RUVBL1: variants seen among roughly 807,000 people sequenced by gnomAD.
The protein encoded by RUVBL1 is ruvB-like 1.
A neutral mutation model predicts 52.4 loss-of-function variants in RUVBL1; 4 were observed. That is an observed-to-expected ratio of 0.08 (90% CI 0.04 to 0.17). The LOEUF is 0.17. RUVBL1 is among the 10% of genes least tolerant of loss of function. The pLI, the probability that RUVBL1 is intolerant of heterozygous loss-of-function variation, is 1.00. For synonymous variants in RUVBL1, 217 were observed against 214.4 expected (o/e 1.01, Z -0.10); for missense variants, 298 against 572.8 (o/e 0.52, Z 4.90).
intron 1 of RUVBL1, among the ~76,000 whole-genome samples, chr3:128,129,081 C>G (rs991374199): frequency 2.6e-5 from 4 of 152,158 alleles, no homozygotes; most frequent in African/African-American, 9.7e-5. Context: ...CCAAGTGCCC[C>G]CCTTTCCCTT....
chr3:128,118,025 G>A (rs1238319983), intron 2 of RUVBL1, among the ~76,000 whole-genome samples: 1 of 151,894 alleles, frequency 6.6e-6, no homozygotes, highest in Non-Finnish European at 1.5e-5. Context: ...TCAAAACAAG[G>A]GCAACATAAT....
Position 128,082,811 on chromosome 3 carries a change from A to G in RUVBL1, c.1120-237T>C. The G allele has an allele frequency of 7.4e-6, 3 of 403,032 alleles. No homozygotes were observed. The South Asian group carries it at 7.6e-5, about 10-fold the overall frequency. The allele number at this position is 403,032 out of a possible 1,614,324, so 25.0% of individuals were successfully genotyped here. On this transcript the variant is annotated intron_variant, in intron 9 of 10. Coordinates refer to ENST00000322623, the MANE Select transcript of RUVBL1 (RefSeq NM_003707.3). The surrounding 1 kb of genome is among the most constrained non-coding windows in gnomAD (Gnocchi z 4.7). Reference sequence around the variant, plus strand: ...CATCACGGCCAGTGTGCTGTATTCAACTGACTCAAGTGTGGCTGGTGCCCA... The same window carrying G: ...CATCACGGCCAGTGTGCTGTATTCAGCTGACTCAAGTGTGGCTGGTGCCCA...
At chr3:128,153,264 T>G in exon 1 of RUVBL1, 2 of 1,350,844 alleles carry the variant, frequency 1.5e-6, no homozygotes, top group Non-Finnish European at 1.9e-6. Context: ...TCCTAGAGGC[T>G]TCAGGCAGGA....
At chr3:128,103,003 G>A (rs940032678) in intron 4 of RUVBL1, among the ~76,000 whole-genome samples, 3 of 152,162 alleles carry the variant, frequency 2.0e-5, no homozygotes, top group Admixed American at 1.3e-4. Flanking sequence ...GGGGTCATGA[G>A]TACTAATGGC....
intron 9 of RUVBL1, chr3:128,071,041 G>C (rs754664012): frequency 6.6e-6 from 1 of 152,296 alleles, no homozygotes; most frequent in African/African-American, 2.4e-5. Context: ...GCAGCCTGTC[G>C]GGGAGACCCC....
intron 8 of RUVBL1, among the ~76,000 whole-genome samples, chr3:128,088,324 C>T (rs1032438033): frequency 2.7e-5 from 4 of 147,964 alleles, no homozygotes; most frequent in African/African-American, 5.0e-5. Context: ...CATAGCAAAA[C>T]TGGGAAGGAG....
At chr3:128,065,464 CTT>C (rs1341430616) in intron 9 of RUVBL1, among the ~76,000 whole-genome samples, 1 of 152,164 alleles carries the variant, frequency 6.6e-6, no homozygotes, top group African/African-American at 2.4e-5. Context: ...TATTCCATCT[CTT>C]AAACTTGCTT....
intron 9 of RUVBL1, chr3:128,069,733 GTGC>G (rs1942099700): frequency 1.6e-6 from 2 of 1,287,098 alleles, no homozygotes; most frequent in Non-Finnish European, 2.2e-6. Flanking sequence ...ATCATGGCGC[GTGC>G]TGCTGCGGCA....
At position 128,081,177 on chromosome 3, in the gene RUVBL1, G is replaced by C; in HGVS notation, c.*73C>G. On this transcript the variant is annotated 3_prime_UTR_variant, in exon 11 of 11. Coordinates refer to ENST00000322623, the MANE Select transcript of RUVBL1 (RefSeq NM_003707.3). This position sits in a 1 kb window ranked among gnomAD's most constrained non-coding sequence, Gnocchi z 4.8. ...TGGGGACGGCAGCCCCAAGCCCAGG[G>C]GCAAGCGCCCACAGGCTGGACCCAG... is the stretch of plus-strand genomic sequence containing the variant. 6.5e-7 allele frequency: 1 copy of C among 1,529,418 alleles called. No individual in the cohort carries two copies. The highest frequency in any genetic ancestry group is 8.9e-7 in the Non-Finnish European group (1 of 1,121,226). 94.7% of individuals were successfully genotyped at this position (1,529,418 alleles called of 1,614,324 possible).
intron 1 of RUVBL1, among the ~76,000 whole-genome samples, chr3:128,149,164 T>C (rs1944146959): frequency 6.6e-6 from 1 of 151,482 alleles, no homozygotes; most frequent in Non-Finnish European, 1.5e-5. Flanking sequence ...TGATATAATT[T>C]CTCTTCTTTC....
intron 3 of RUVBL1, among the ~76,000 whole-genome samples, chr3:128,105,474 C>A (rs889091943): frequency 3.3e-5 from 5 of 152,114 alleles, no homozygotes; most frequent in Admixed American, 3.3e-4. Context: ...ACTAGATAGA[C>A]AAGTTATAAT....
chr3:128,094,602 G>A (rs1482594364), intron 8 of RUVBL1, among the ~76,000 whole-genome samples: 1 of 152,212 alleles, frequency 6.6e-6, no homozygotes, highest in Non-Finnish European at 1.5e-5. Context: ...CCTATGGCCT[G>A]GGCAGGTAAC....
intron 4 of RUVBL1, among the ~76,000 whole-genome samples, chr3:128,102,736 G>A (rs1421487956): frequency 1.3e-5 from 2 of 152,366 alleles, no homozygotes; most frequent in East Asian, 3.8e-4. Flanking sequence ...CGATGAAAAT[G>A]TTCTGAAATT....
At chr3:128,144,526 C>A (rs527980935) in intron 1 of RUVBL1, among the ~76,000 whole-genome samples, 1 of 152,176 alleles carries the variant, frequency 6.6e-6, no homozygotes, top group Non-Finnish European at 1.5e-5. Context: ...GTAGGGGGCC[C>A]ACGGAGTCTG....
chr3:128,087,841 G>C lies in RUVBL1; in HGVS notation c.1017-33C>G, dbSNP rs1219202544. The C allele has an allele frequency of 2.7e-6, 4 of 1,467,062 alleles. No homozygotes were observed. In the African/African-American group the frequency reaches 5.6e-5, roughly 20 times the overall value. 90.9% of individuals were successfully genotyped at this position (1,467,062 alleles called of 1,614,324 possible). A position where few individuals can be genotyped will look rare whatever the true frequency, so the allele number is the denominator to read the frequency against. On this transcript the variant is annotated intron_variant, in intron 8 of 10. Coordinates refer to ENST00000322623, the MANE Select transcript of RUVBL1 (RefSeq NM_003707.3). ...GGGCAAAATTAATCCCATCACCTAAGCCTCTGTTAGACAAGAAACGACACT... is the reference window on the plus strand; with the variant it reads ...GGGCAAAATTAATCCCATCACCTAACCCTCTGTTAGACAAGAAACGACACT...
intron 3 of RUVBL1, among the ~76,000 whole-genome samples, chr3:128,109,584 G>A (rs1008026183): frequency 4.6e-5 from 7 of 151,766 alleles, no homozygotes; most frequent in East Asian, 3.9e-4. Context: ...CTGCAGCCTC[G>A]ACTTACTCAG....
intron 6 of RUVBL1, among the ~76,000 whole-genome samples, chr3:128,099,622 C>T (rs1943068819): frequency 6.6e-6 from 1 of 152,162 alleles, no homozygotes; most frequent in African/African-American, 2.4e-5. Flanking sequence ...GTGCAGTCAG[C>T]AAGAGGAAGA....
At chr3:128,150,045 T>C (rs148339637) in intron 1 of RUVBL1, among the ~76,000 whole-genome samples, 1 of 152,360 alleles carries the variant, frequency 6.6e-6, no homozygotes, top group East Asian at 1.9e-4. Flanking sequence ...CAGCACGTTC[T>C]TTCATCAATT....
intron 1 of RUVBL1, among the ~76,000 whole-genome samples, chr3:128,134,584 C>T (rs762561258): frequency 1.3e-5 from 2 of 149,850 alleles, no homozygotes; most frequent in African/African-American, 2.5e-5. Flanking sequence ...GCCAGAAGTT[C>T]GAGACCAGCC....
Sources: gnomAD v4.1 joint callset for allele counts (sites outside exome capture counted in the v4.1 genomes callset) on GRCh38, gnomAD v4.1.1 for gene constraint, Gnocchi (gnomAD v3.1) non-coding constraint, MANE v1.5 for transcripts, NCBI Gene and HGNC (gene_info 2026-07-23, HGNC 2026-07-21) for gene names.